The following ROCK1 variants were observed in gnomAD, a reference collection of about 807,000 sequenced individuals.
ROCK1 encodes the protein Rho associated coiled-coil containing protein kinase 1.
A neutral mutation model predicts 196.8 loss-of-function variants in ROCK1; 36 were observed. The observed-to-expected ratio is 0.18, with a 90% CI of 0.14 to 0.24. ROCK1 has a LOEUF of 0.24. Among genes scored for constraint, ROCK1 ranks in the 10% least tolerant of loss-of-function variants. ROCK1 has a pLI of 1.00. For missense variants in ROCK1, 920 were observed against 1,562.0 expected (o/e 0.59, Z 6.93); for synonymous variants, 443 against 515.9 (o/e 0.86, Z 1.91).
At chr18:21,106,130 C>T (rs574844695) in intron 1 of ROCK1, among the ~76,000 whole-genome samples, 1 of 152,156 alleles carries the variant, frequency 6.6e-6, no homozygotes, top group African/African-American at 2.4e-5. Context: ...TCCCTTCTGT[C>T]TCCTCCGCTC....
intron 24 of ROCK1, 86 bp from the exon 25 acceptor site, chr18:20,968,946 T>C: frequency 1.0e-6 from 1 of 988,204 alleles, no homozygotes; most frequent in South Asian, 1.4e-5. Context: ...ATTATTCAAA[T>C]AAGTATACAT....
chr18:21,096,286 G>T (rs1160494406), intron 1 of ROCK1, among the ~76,000 whole-genome samples: 1 of 150,854 alleles, frequency 6.6e-6, no homozygotes, highest in Non-Finnish European at 1.5e-5. Context: ...TGCAACCTCT[G>T]CCCCCCCGGG....
chr18:21,011,180 T>C (rs1403444148), intron 13 of ROCK1, among the ~76,000 whole-genome samples: 1 of 152,202 alleles, frequency 6.6e-6, no homozygotes, highest in Non-Finnish European at 1.5e-5. Context: ...ATTGGTAGTA[T>C]GTTAGGGTTA....
chr18:21,096,172 A>C (rs964360039), intron 1 of ROCK1, among the ~76,000 whole-genome samples: 1 of 152,080 alleles, frequency 6.6e-6, no homozygotes, highest in Non-Finnish European at 1.5e-5. Flanking sequence ...ATTTAAAATA[A>C]AGCATTTTTA....
At chr18:20,955,409 T>G in intron 29 of ROCK1, 164 bp from the exon 30 acceptor site, 1 of 895,800 alleles carries the variant, frequency 1.1e-6, no homozygotes. Flanking sequence ...TCACTACACA[T>G]CTATCAGAGT....
At chr18:21,058,390 A>G (rs2036261836) in intron 2 of ROCK1, among the ~76,000 whole-genome samples, 2 of 152,184 alleles carry the variant, frequency 1.3e-5, no homozygotes, top group African/African-American at 4.8e-5. Context: ...AAAAATGTTC[A>G]AAGTTTTTTT....
chr18:21,045,503 T>A (rs1313515274), intron 4 of ROCK1, 36 bp from the exon 5 acceptor site: 40 of 1,464,724 alleles, frequency 2.7e-5, no homozygotes, highest in Non-Finnish European at 3.5e-5. Flanking sequence ...AACACATTCA[T>A]TAATGTTAAA....
chr18:21,061,282 G>A (rs1487433513), intron 2 of ROCK1, among the ~76,000 whole-genome samples: 1 of 152,040 alleles, frequency 6.6e-6, no homozygotes, highest in Non-Finnish European at 1.5e-5. Flanking sequence ...GTTTTGTCAT[G>A]TTGGCCAGGC....
rs755247871 is a variant in ROCK1 at position 21,045,442 on chromosome 18, C to T, written c.440G>A (p.Arg147His). The T allele has an allele frequency of 4.2e-5, 68 of 1,608,690 alleles. No homozygotes were observed. The highest frequency in any genetic ancestry group is 5.6e-5 in the South Asian group (5 of 90,064). The change falls in exon 5 of 33, where the codon CGT becomes CAT. Residue 147 changes from arginine to histidine, a missense_variant. This residue lies in a region of ROCK1 where 234 missense variants were observed against 460.7 expected (regional missense o/e 0.51). Coordinates refer to ENST00000399799, the MANE Select transcript of ROCK1 (RefSeq NM_005406.3). The stretch of plus-strand genomic sequence containing the variant: ...GTATTCCATCACCATGTAGAGATAA[C>T]GATCATCTTGGAATGCATAAAAAAG... Reference protein sequence around the residue: ...VQLFYAFQDDRYLYMVMEYMP... With the variant: ...VQLFYAFQDDHYLYMVMEYMP...
chr18:21,079,278 T>C (rs891258876), intron 1 of ROCK1, among the ~76,000 whole-genome samples: 1 of 152,208 alleles, frequency 6.6e-6, no homozygotes, highest in Non-Finnish European at 1.5e-5. Flanking sequence ...CTTTTTTTCC[T>C]TGGTCTGCTG....
At chr18:20,972,265 C>T (rs2035436303) in intron 22 of ROCK1, among the ~76,000 whole-genome samples, 1 of 152,090 alleles carries the variant, frequency 6.6e-6, no homozygotes, top group South Asian at 2.1e-4. Context: ...AAATTTTTCA[C>T]TTAAACAACT....
chr18:20,972,729 GAGA>G (rs772314803), intron 22 of ROCK1, among the ~76,000 whole-genome samples: 29 of 152,328 alleles, frequency 1.9e-4, no homozygotes, highest in Non-Finnish European at 3.8e-4. Context: ...CACTGACCTT[GAGA>G]AGAGTTGTTC....
At chr18:21,048,765 G>A (rs1343822420) in intron 4 of ROCK1, among the ~76,000 whole-genome samples, 3 of 151,922 alleles carry the variant, frequency 2.0e-5, no homozygotes, top group Admixed American at 1.3e-4. Context: ...GTCCAGGCTG[G>A]TCTCAAACCC....
chr18:21,105,641 T>C (rs2036696880), intron 1 of ROCK1, among the ~76,000 whole-genome samples: 1 of 152,180 alleles, frequency 6.6e-6, no homozygotes, highest in African/African-American at 2.4e-5. Context: ...AAAATTTCAG[T>C]TTAGCGACAG....
chr18:20,968,365 G>A (rs566275093), intron 25 of ROCK1: 522 of 173,840 alleles, frequency 3.0e-3, no homozygotes, highest in Non-Finnish European at 5.2e-3. Context: ...GGCATGCAGT[G>A]GCATGATCTT....
intron 5 of ROCK1, 178 bp downstream of exon 5, chr18:21,045,114 G>A: frequency 2.3e-6 from 1 of 443,802 alleles, no homozygotes; most frequent in South Asian, 5.2e-5. Context: ...GCCTGCCTCG[G>A]CCTCCCAAAG....
intron 2 of ROCK1, among the ~76,000 whole-genome samples, chr18:21,069,234 T>C (rs1203361065): frequency 6.6e-6 from 1 of 152,134 alleles, no homozygotes; most frequent in Non-Finnish European, 1.5e-5. Context: ...TAAAATATGT[T>C]AATGTGGTAA....
intron 10 of ROCK1, among the ~76,000 whole-genome samples, chr18:21,026,228 T>C (rs1302908459): frequency 6.6e-6 from 1 of 152,052 alleles, no homozygotes; most frequent in Admixed American, 6.5e-5. Context: ...GCGGATCACC[T>C]GAGGTCGGGA....
chr18:21,108,952 T>C (rs2036726078), intron 1 of ROCK1, among the ~76,000 whole-genome samples: 1 of 152,174 alleles, frequency 6.6e-6, no homozygotes, highest in Admixed American at 6.5e-5. Context: ...CTTCCAACCT[T>C]ATCTTCCTTG....
Sources: gnomAD v4.1 joint callset for allele counts (sites outside exome capture counted in the v4.1 genomes callset) on GRCh38, gnomAD v4.1.1 for gene constraint, gnomAD v4.1.1 regional missense constraint, MANE v1.5 for transcripts, NCBI Gene and HGNC (gene_info 2026-07-23, HGNC 2026-07-21) for gene names.